DHX58: variants seen among roughly 807,000 people sequenced by gnomAD.
DHX58 encodes ATP-dependent RNA helicase DHX58.
A neutral mutation model predicts 65.0 loss-of-function variants in DHX58; 51 were observed. That is an observed-to-expected ratio of 0.78 (90% CI 0.63 to 0.99). The LOEUF (loss-of-function observed/expected upper bound fraction) is 0.99. DHX58 is among the 50% of genes least tolerant of loss of function. The pLI is 0.00. For synonymous variants in DHX58, 350 were observed against 365.0 expected (o/e 0.96, Z 0.47); for missense variants, 773 against 891.8 (o/e 0.87, Z 1.70).
At chr17:42,108,367 C>T (rs908673166) in intron 6 of DHX58, among the ~76,000 whole-genome samples, 13 of 152,096 alleles carry the variant, frequency 8.5e-5, no homozygotes, top group Non-Finnish European at 1.8e-4. Context: ...AGGAATAGGC[C>T]GAGGCGGACA....
At chr17:42,112,583 G>GGA (rs59574926) in intron 1 of DHX58, 22 bp downstream of exon 1, 1 of 140,454 alleles carries the variant, frequency 7.1e-6, no homozygotes, top group African/African-American at 2.8e-5. Flanking sequence ...GTGGGGGGGG[G>GGA]TGGGAGTAAC....
intron 5 of DHX58, among the ~76,000 whole-genome samples, chr17:42,110,003 C>T (rs1454747362): frequency 1.3e-5 from 2 of 151,650 alleles, no homozygotes; most frequent in South Asian, 2.1e-4. Context: ...ATGGCCAACA[C>T]GGTGAAACCC....
intron 12 of DHX58, among the ~76,000 whole-genome samples, chr17:42,103,048 AAAGTGTTG>A: frequency 6.7e-6 from 1 of 148,410 alleles, no homozygotes; most frequent in African/African-American, 2.4e-5. Context: ...TCCGCCTCCC[AAAGTGTTG>A]GAATTACAGG....
Position 42,107,745 on chromosome 17 carries a change from G to C in DHX58, c.856C>G (p.Arg286Gly), listed in dbSNP as rs782324484. 1 of 1,602,282 alleles carries C rather than the reference G, an allele frequency of 6.2e-7. No individual in the cohort carries two copies. Among genetic ancestry groups the C allele is most frequent in the South Asian group, 1.1e-5 (1 of 89,236 alleles). ...EQRVYALHLR[R>G]YNDALLIHDT... ...TGGATGAGCAGCGCGTCATTGTAGCGCCTCAGGTGAAGCGCATACACCCGT... is the reference window on the plus strand; with the variant it reads ...TGGATGAGCAGCGCGTCATTGTAGCCCCTCAGGTGAAGCGCATACACCCGT... Residue 286 changes from arginine to glycine, a missense_variant, in exon 8 of 14, where the codon CGC (arginine) becomes GGC (glycine). By Grantham distance (125) the Arg-to-Gly change is moderately radical (BLOSUM62 -2). Coordinates refer to ENST00000251642, the MANE Select transcript of DHX58 (RefSeq NM_024119.3).
Position 42,110,754 on chromosome 17 carries a change from T to A in DHX58, c.530A>T (p.Lys177Ile). 1 of 1,611,004 alleles carries A rather than the reference T, an allele frequency of 6.2e-7. No homozygotes were observed. Among genetic ancestry groups the A allele is most frequent in the South Asian group, 1.1e-5 (1 of 90,726 alleles). Residue 177 changes from lysine (K) to isoleucine (I), a missense_variant, in exon 5 of 14, where the codon AAA becomes ATA. Lys to Ile is a moderately radical substitution (Grantham distance 102). Coordinates refer to ENST00000251642, the MANE Select transcript of DHX58 (RefSeq NM_024119.3). ...TASPGTGGASKLDGAINHVLQ... is the reference protein window; with the variant it reads ...TASPGTGGASILDGAINHVLQ... Reference sequence around the variant, plus strand: ...GACGTGGTTGATGGCCCCATCGAGTTTGGAGGCCCCGCCAGTGCCTGGGGA... The same window carrying A: ...GACGTGGTTGATGGCCCCATCGAGTATGGAGGCCCCGCCAGTGCCTGGGGA...
intron 12 of DHX58, 142 bp downstream of exon 12, chr17:42,103,466 G>T: frequency 1.9e-6 from 2 of 1,073,478 alleles, no homozygotes; most frequent in Non-Finnish European, 2.7e-6. Flanking sequence ...TGGAGACAGG[G>T]ATAAAACCTG....
intron 5 of DHX58, among the ~76,000 whole-genome samples, chr17:42,110,375 C>T (rs1418717202): frequency 6.6e-6 from 1 of 151,886 alleles, no homozygotes; most frequent in African/African-American, 2.4e-5. Context: ...GCATTCTAGG[C>T]AAAAGAAATG....
rs192284653 is a variant in DHX58, at chr17:42,102,325, G to C, written c.1755-13C>G. 29 of 1,611,942 alleles carry C rather than the reference G, an allele frequency of 1.8e-5. No individual in the cohort carries two copies. Among genetic ancestry groups the C allele is most frequent in the South Asian group, 2.2e-5 (2 of 91,038 alleles). On this transcript the variant is annotated splice_polypyrimidine_tract_variant and intron_variant, in intron 12 of 13. Transcript: ENST00000251642. ...ATTATAGTAGTTCCTGGAGAGGAAG[G>C]GGGGTGGCCACAGCCCTCATTGACC...
chr17:42,105,105 C>T lies in DHX58; in HGVS notation c.1314G>A (p.Thr438=), dbSNP rs144853237. ...QDGTLNLLVA[T]SVAEEGLDIP... ...TGTCCAGCCCCTCCTCCGCCACACTCGTGGCCACCAGAAGGTTCAGGGTTC... is the reference window on the plus strand; with the variant it reads ...TGTCCAGCCCCTCCTCCGCCACACTTGTGGCCACCAGAAGGTTCAGGGTTC... The change falls in exon 10 of 14, where the codon ACG becomes ACA. Residue 438 remains threonine, a synonymous_variant. Coordinates refer to ENST00000251642, the MANE Select transcript of DHX58 (RefSeq NM_024119.3). The T allele has an allele frequency of 1.4e-4, 231 of 1,614,004 alleles. 2 individuals carry two copies. Among genetic ancestry groups the T allele is most frequent in the Non-Finnish European group, 1.6e-4 (192 of 1,179,998 alleles).
chr17:42,103,764 C>G lies in DHX58; in HGVS notation c.1598G>C (p.Arg533Pro), dbSNP rs150628573. The G allele has an allele frequency of 6.2e-7, 1 of 1,610,736 alleles. No individual in the cohort carries two copies. The highest frequency in any genetic ancestry group is 8.5e-7 in the Non-Finnish European group (1 of 1,179,970). ...CTCCCGCTGGGCTGCCTGGGCCGCC[C>G]GCTTGGTCAAGGCTGCCTGCTGCAG... ...RDLQQAALTK[R>P]AAQAAQRENQ... The change falls in exon 12 of 14, where the codon CGG (arginine) becomes CCG (proline). Residue 533 changes from arginine (R) to proline (P), a missense_variant. Transcript: ENST00000251642.
chr17:42,104,618 G>A (rs1256064970), intron 11 of DHX58, 148 bp downstream of exon 11: 13 of 1,004,930 alleles, frequency 1.3e-5, no homozygotes, highest in South Asian at 3.3e-5. Flanking sequence ...GCCCCACCCC[G>A]GCCCTTATTT....
intron 5 of DHX58, among the ~76,000 whole-genome samples, chr17:42,109,670 C>T (rs551495687): frequency 1.4e-3 from 208 of 149,950 alleles, no homozygotes; most frequent in Non-Finnish European, 2.4e-3. Context: ...CCAAGGCGGG[C>T]GGGTCACCTG....
chr17:42,110,855 G>C lies in DHX58; in HGVS notation c.429C>G (p.Asn143Lys). The stretch of plus-strand genomic sequence containing the variant: ...GTTCTAGGTACTGGCTCATGATGAC[G>C]TTGTAGACGGTGTCCTTGTGCGTGT... Reference protein sequence around the residue: ...CHHTHKDTVYNVIMSQYLELK... With the variant: ...CHHTHKDTVYKVIMSQYLELK... The change falls in exon 5 of 14, where the codon AAC becomes AAG. Residue 143 changes from asparagine to lysine, a missense_variant. Coordinates refer to ENST00000251642, the MANE Select transcript of DHX58 (RefSeq NM_024119.3). 1 of 1,613,962 alleles carries C rather than the reference G, an allele frequency of 6.2e-7. No homozygotes were observed. Among genetic ancestry groups the C allele is most frequent in the Non-Finnish European group, 8.5e-7 (1 of 1,179,920 alleles).
rs2054160151 is a variant in DHX58, at chr17:42,111,803, C to A, written c.90G>T (p.Lys30Asn). ...TGGCCACATAAGCAGCCGCCCGGGTCTTCCCGGCACCCGTGGGCAGCCAGA... is the reference window on the plus strand; with the variant it reads ...TGGCCACATAAGCAGCCGCCCGGGTATTCCCGGCACCCGTGGGCAGCCAGA... ...IIIWLPTGAGKTRAAAYVAKR... is the reference protein window; with the variant it reads ...IIIWLPTGAGNTRAAAYVAKR... Residue 30 changes from lysine (K) to asparagine (N), a missense_variant, in exon 3 of 14, where the codon AAG (lysine) becomes AAT (asparagine). Lys to Asn is a moderately conservative substitution (Grantham distance 94). Coordinates refer to ENST00000251642, the MANE Select transcript of DHX58 (RefSeq NM_024119.3). 1 of 1,614,102 alleles carries A rather than the reference C, an allele frequency of 6.2e-7. No individual in the cohort carries two copies. The highest frequency in any genetic ancestry group is 8.5e-7 in the Non-Finnish European group (1 of 1,179,982).
chr17:42,106,935 G>A (rs141667774), intron 8 of DHX58, among the ~76,000 whole-genome samples: 3 of 152,300 alleles, frequency 2.0e-5, no homozygotes, highest in Admixed American at 1.3e-4. Flanking sequence ...TGACCCTTGA[G>A]CTTTTAACTC....
chr17:42,102,321 G>GA lies in DHX58; in HGVS notation c.1755-10dup. ...AGACATTATAGTAGTTCCTGGAGAG[G>GA]AAGGGGGGTGGCCACAGCCCTCATT... On this transcript the variant is annotated splice_polypyrimidine_tract_variant and intron_variant, in intron 12 of 13. Coordinates refer to ENST00000251642, the MANE Select transcript of DHX58 (RefSeq NM_024119.3). 6.2e-7 allele frequency: 1 copy of GA among 1,612,848 alleles called. No homozygotes were observed. Among genetic ancestry groups the GA allele is most frequent in the Non-Finnish European group, 8.5e-7 (1 of 1,178,910 alleles).
chr17:42,107,529 C>T, intron 8 of DHX58, 75 bp downstream of exon 8: 1 of 1,438,658 alleles, frequency 7.0e-7, no homozygotes, highest in Non-Finnish European at 9.2e-7. Flanking sequence ...CCGACCTTGG[C>T]GCCTGTGCCC....
At chr17:42,102,156 A>G (rs1253502577) in intron 13 of DHX58, 60 bp downstream of exon 13, 9 of 1,580,996 alleles carry the variant, frequency 5.7e-6, no homozygotes, top group African/African-American at 1.3e-5. Flanking sequence ...GGGCTCCCTG[A>G]GGGCCTCTGA....
chr17:42,111,666 C>G (rs1170560197), intron 3 of DHX58, 59 bp downstream of exon 3: 1 of 1,575,404 alleles, frequency 6.3e-7, no homozygotes, highest in Middle Eastern at 1.7e-4. Context: ...CTGGGAGATG[C>G]CTGAAGAGCT....
Sources: gnomAD v4.1 joint callset for allele counts (sites outside exome capture counted in the v4.1 genomes callset) on GRCh38, gnomAD v4.1.1 for gene constraint, MANE v1.5 for transcripts, NCBI Gene and HGNC (gene_info 2026-07-23, HGNC 2026-07-21) for gene names.